HAPLN1: variants seen among roughly 807,000 people sequenced by gnomAD.
HAPLN1 encodes Cartilage link protein.
HAPLN1 carries 13 observed loss-of-function variants against 36.5 expected under a neutral mutation model. The observed-to-expected ratio is 0.36, with a 90% CI of 0.23 to 0.57. HAPLN1 has a LOEUF of 0.57. Among genes scored for constraint, HAPLN1 ranks in the 20% least tolerant of loss-of-function variants. The probability of loss-of-function intolerance (pLI) is 0.83; values close to 1 mark genes in which losing one functional copy is unlikely to be tolerated. For missense variants in HAPLN1, 407 were observed against 439.7 expected (o/e 0.93, Z 0.66); for synonymous variants, 202 against 169.8 (o/e 1.19, Z -1.48).
chr5:83,678,404 TAATC>T (rs1394543423), intron 1 of HAPLN1, among the ~76,000 whole-genome samples: 1 of 152,218 alleles, frequency 6.6e-6, no homozygotes, highest in Non-Finnish European at 1.5e-5. Context: ...GAAAAATATA[TAATC>T]AGAAAGATTC....
intron 1 of HAPLN1, among the ~76,000 whole-genome samples, chr5:83,681,075 C>T (rs1750987470): frequency 6.6e-6 from 1 of 151,926 alleles, no homozygotes; most frequent in Admixed American, 6.6e-5. Flanking sequence ...ATTCTGTGAT[C>T]AAAAATCTGA....
At chr5:83,644,076 A>G (rs770393810) in intron 4 of HAPLN1, among the ~76,000 whole-genome samples, 1 of 152,172 alleles carries the variant, frequency 6.6e-6, no homozygotes, top group Non-Finnish European at 1.5e-5. Flanking sequence ...ATCATCTTTG[A>G]CAATAGGTAA....
At chr5:83,698,999 A>T (rs1490209175) in intron 1 of HAPLN1, among the ~76,000 whole-genome samples, 1 of 152,190 alleles carries the variant, frequency 6.6e-6, no homozygotes, top group East Asian at 1.9e-4. Flanking sequence ...ATGCTATTTT[A>T]AATTTTTAAA....
chr5:83,715,509 T>C (rs1751897670), intron 1 of HAPLN1, among the ~76,000 whole-genome samples: 1 of 152,210 alleles, frequency 6.6e-6, no homozygotes, highest in Non-Finnish European at 1.5e-5. Context: ...CTCCACTGGT[T>C]TGTGAACTCC....
At chr5:83,652,862 T>A in intron 2 of HAPLN1, 38 bp from the exon 3 acceptor site, 1 of 1,481,326 alleles carries the variant, frequency 6.8e-7, no homozygotes, top group Non-Finnish European at 9.0e-7. Context: ...AAATAACTAT[T>A]AATATACTTT....
chr5:83,683,865 G>A (rs1751059557), intron 1 of HAPLN1, among the ~76,000 whole-genome samples: 1 of 152,128 alleles, frequency 6.6e-6, no homozygotes, highest in Admixed American at 6.5e-5. Context: ...ATAGAATGTA[G>A]ATCTGAGATG....
intron 1 of HAPLN1, among the ~76,000 whole-genome samples, chr5:83,711,373 T>C (rs915114741): frequency 2.0e-5 from 3 of 152,192 alleles, no homozygotes; most frequent in Non-Finnish European, 4.4e-5. Context: ...TATTTACTTT[T>C]CTTAGCAGTT....
At position 83,638,583 on chromosome 5, in the gene HAPLN1, A is replaced by G. The variant is rs899993122; in HGVS notation, c.*2913T>C. On this transcript the variant is annotated 3_prime_UTR_variant, in exon 5 of 5. Coordinates refer to ENST00000274341, the MANE Select transcript of HAPLN1 (RefSeq NM_001884.4). ...CCATATTCTTTGGAGTACTAAAATC[A>G]AGAAACCCAGAATGGCTGCCAGCAA... 6.6e-6 allele frequency: 1 copy of G among 152,080 alleles called. No homozygotes were observed. Among genetic ancestry groups the G allele is most frequent in the Non-Finnish European group, 1.5e-5 (1 of 67,944 alleles). 9.4% of individuals were successfully genotyped at this position (152,080 alleles called of 1,614,324 possible). A position where few individuals can be genotyped will look rare whatever the true frequency, so the allele number is the denominator to read the frequency against.
intron 2 of HAPLN1, among the ~76,000 whole-genome samples, chr5:83,661,435 CTTTTTTT>C (rs56005008): frequency 1.6e-5 from 1 of 62,976 alleles, no homozygotes; most frequent in Non-Finnish European, 2.8e-5. Context: ...AGAAAAGCTT[CTTTTTTT>C]TTTTTTTTTT....
chr5:83,703,575 G>A (rs1311636032), intron 1 of HAPLN1: 1 of 152,094 alleles, frequency 6.6e-6, no homozygotes, highest in African/African-American at 2.4e-5. Flanking sequence ...AGACCAAGCT[G>A]AGGGAAGAAT....
chr5:83,693,863 G>A (rs1333818573), intron 1 of HAPLN1, among the ~76,000 whole-genome samples: 1 of 151,878 alleles, frequency 6.6e-6, no homozygotes, highest in Non-Finnish European at 1.5e-5. Flanking sequence ...AAATATTAGA[G>A]CATCCCTTTA....
At chr5:83,711,766 G>C (rs1751789804) in intron 1 of HAPLN1, among the ~76,000 whole-genome samples, 1 of 152,054 alleles carries the variant, frequency 6.6e-6, no homozygotes, top group African/African-American at 2.4e-5. Flanking sequence ...GTTCTGGTTT[G>C]ACTAACACAT....
intron 1 of HAPLN1, among the ~76,000 whole-genome samples, chr5:83,675,603 A>T (rs1363984203): frequency 6.6e-6 from 1 of 152,202 alleles, no homozygotes; most frequent in Non-Finnish European, 1.5e-5. Context: ...CTTTAGTTCC[A>T]TACCATAGTA....
rs1416026624 is a variant in HAPLN1, at chr5:83,652,541, G to T, written c.384C>A (p.Asp128Glu). The change falls in exon 3 of 5, where the codon GAC (aspartate) becomes GAA (glutamate). Residue 128 changes from aspartate to glutamate, a missense_variant. Asp to Glu is a conservative substitution (Grantham distance 45). Coordinates refer to ENST00000274341, the MANE Select transcript of HAPLN1 (RefSeq NM_001884.4). Reference protein sequence around the residue: ...SDSDASLVITDLTLEDYGRYK... With the variant: ...SDSDASLVITELTLEDYGRYK... ...ATCTCCCATAATCTTCCAGAGTGAG[G>T]TCTGTGATGACCAGAGAAGCATCAC... is the stretch of plus-strand genomic sequence containing the variant. 6.2e-6 allele frequency: 10 copies of T among 1,614,118 alleles called. No individual in the cohort carries two copies. Among genetic ancestry groups the T allele is most frequent in the African/African-American group, 1.3e-5 (1 of 75,046 alleles).
intron 1 of HAPLN1, among the ~76,000 whole-genome samples, chr5:83,688,344 A>G (rs1751184118): frequency 6.6e-6 from 1 of 152,130 alleles, no homozygotes. Context: ...CAGGCTCCAC[A>G]TATCCCGATG....
rs116682983 is a variant in HAPLN1, at chr5:83,657,388, A to G, written c.101-4564T>C. 4.8e-3 allele frequency among the ~76,000 whole-genome samples: 733 copies of G among 152,046 alleles called. 6 individuals carry two copies. Among genetic ancestry groups the G allele is most frequent in the African/African-American group, 0.017 (689 of 41,450 alleles). On this transcript the variant is annotated intron_variant, in intron 2 of 4. Coordinates refer to ENST00000274341, the MANE Select transcript of HAPLN1 (RefSeq NM_001884.4). ...GCTGGGATTATAGGCGTGAGCCACAAAGTTTCTGTTTTTAATCCATACAAA... is the reference window on the plus strand; with the variant it reads ...GCTGGGATTATAGGCGTGAGCCACAGAGTTTCTGTTTTTAATCCATACAAA...
At chr5:83,658,532 G>A (rs140562054) in intron 2 of HAPLN1, among the ~76,000 whole-genome samples, 93 of 152,238 alleles carry the variant, frequency 6.1e-4, no homozygotes, top group African/African-American at 1.8e-3. Flanking sequence ...AGTAGAATAC[G>A]TAATTTAAAC....
chr5:83,687,010 A>AG (rs1169541921), intron 1 of HAPLN1, among the ~76,000 whole-genome samples: 1 of 152,218 alleles, frequency 6.6e-6, no homozygotes, highest in East Asian at 1.9e-4. Context: ...TTGGAAGTGA[A>AG]GGTGACAGGT....
intron 1 of HAPLN1, among the ~76,000 whole-genome samples, chr5:83,697,116 A>G (rs989013526): frequency 6.6e-6 from 1 of 152,086 alleles, no homozygotes; most frequent in Non-Finnish European, 1.5e-5. Flanking sequence ...GCCATTCTAA[A>G]TGATTCTAAA....
Sources: gnomAD v4.1 joint callset for allele counts (sites outside exome capture counted in the v4.1 genomes callset) on GRCh38, gnomAD v4.1.1 for gene constraint, MANE v1.5 for transcripts, NCBI Gene and HGNC (gene_info 2026-07-23, HGNC 2026-07-21) for gene names.